PRP4K: variants seen among roughly 807,000 people sequenced by gnomAD.
The protein encoded by PRP4K is serine/threonine-protein kinase PRP4 homolog.
At chr6:4,060,631 C>T in the PRP4K span, 1 of 1,606,042 alleles carries the variant, frequency 6.2e-7, no homozygotes. The surrounding 1 kb of genome is among the most constrained non-coding windows in gnomAD (Gnocchi z 4.7). Flanking sequence ...GATGAAGAAA[C>T]TCCAAGGGTT....
At chr6:4,057,038 A>G in the PRP4K span, 2 of 1,560,180 alleles carry the variant, frequency 1.3e-6, no homozygotes, top group East Asian at 2.3e-5. Context: ...GTTTTCAGTT[A>G]TAGGTAAAAG....
chr6:4,054,579 T>TCACTG, the PRP4K span, among the ~76,000 whole-genome samples: 3 of 152,202 alleles, frequency 2.0e-5, no homozygotes, highest in African/African-American at 7.2e-5. Flanking sequence ...TGATCTCGGC[T>TCACTG]CACTGCAACC....
the PRP4K span, among the ~76,000 whole-genome samples, chr6:4,038,545 G>C: frequency 1.3e-5 from 2 of 151,476 alleles, no homozygotes; most frequent in African/African-American, 4.9e-5. Context: ...CGCTCGTCTT[G>C]GCCCACTGCA....
At chr6:4,053,732 C>CA in the PRP4K span, among the ~76,000 whole-genome samples, 9 of 152,220 alleles carry the variant, frequency 5.9e-5, no homozygotes, top group African/African-American at 2.2e-4. Context: ...AGCTTATATG[C>CA]TGGTAACATT....
At chr6:4,050,942 C>T in the PRP4K span, among the ~76,000 whole-genome samples, 1 of 152,120 alleles carries the variant, frequency 6.6e-6, no homozygotes, top group South Asian at 2.1e-4. Context: ...TGCTCTGTCA[C>T]CCAGGCTGGA....
chr6:4,045,711 A>G, the PRP4K span, among the ~76,000 whole-genome samples: 1 of 152,234 alleles, frequency 6.6e-6, no homozygotes, highest in Non-Finnish European at 1.5e-5. Flanking sequence ...TATGATTATC[A>G]TTACTACATA....
chr6:4,049,964 A>G, the PRP4K span: 2 of 1,422,824 alleles, frequency 1.4e-6, no homozygotes, highest in African/African-American at 2.9e-5. Context: ...TTAAAGTGAT[A>G]CATGATAGAA....
At chr6:4,051,673 T>C in the PRP4K span, among the ~76,000 whole-genome samples, 1 of 152,214 alleles carries the variant, frequency 6.6e-6, no homozygotes, top group African/African-American at 2.4e-5. Flanking sequence ...CAAAATTTTT[T>C]AAAAATCAAA....
At chr6:4,064,813 T>C in the PRP4K span, 1 of 152,676 alleles carries the variant, frequency 6.5e-6, no homozygotes, top group South Asian at 2.1e-4. Context: ...TAAGGGACTG[T>C]TCTGAAGAAC....
the PRP4K span, chr6:4,047,272 T>A: frequency 1.3e-6 from 2 of 1,554,766 alleles, no homozygotes; most frequent in Admixed American, 1.7e-5. Context: ...AATCAAGTGT[T>A]AAAACAAAAA....
the PRP4K span, among the ~76,000 whole-genome samples, chr6:4,048,733 C>CT: frequency 0.083 from 12,475 of 149,532 alleles, 582 homozygotes; most frequent in Middle Eastern, 0.23. Flanking sequence ...ACACCTGGCG[C>CT]TTTTTTTTTG....
At chr6:4,055,004 C>T in the PRP4K span, among the ~76,000 whole-genome samples, 58 of 152,270 alleles carry the variant, frequency 3.8e-4, no homozygotes, top group African/African-American at 1.2e-3. Flanking sequence ...AATGTTTTCC[C>T]GTCTTCCTGG....
chr6:4,047,858 C>T, the PRP4K span, among the ~76,000 whole-genome samples: 1 of 148,660 alleles, frequency 6.7e-6, no homozygotes. Context: ...ATAAATGTAA[C>T]AGGGAAAATA....
the PRP4K span, chr6:4,032,304 G>T: frequency 3.1e-6 from 5 of 1,613,548 alleles, no homozygotes; most frequent in South Asian, 4.4e-5. Flanking sequence ...TGATGATAAG[G>T]TTAAAATTGA....
the PRP4K span, chr6:4,021,414 A>G: frequency 6.3e-7 from 1 of 1,580,528 alleles, no homozygotes; most frequent in South Asian, 1.2e-5. Context: ...CCGAGGAGTC[A>G]GGAAGTTCAA....
At chr6:4,042,816 C>T in the PRP4K span, among the ~76,000 whole-genome samples, 1 of 152,134 alleles carries the variant, frequency 6.6e-6, no homozygotes, top group South Asian at 2.1e-4. Flanking sequence ...TTCTGTAAAA[C>T]ATGAGAATCT....
chr6:4,041,006 TCCACC>T, the PRP4K span: 2 of 1,386,764 alleles, frequency 1.4e-6, no homozygotes, highest in Non-Finnish European at 2.0e-6. Flanking sequence ...TTAAATAATA[TCCACC>T]TAAATATTAT....
At chr6:4,047,023 TTAA>T in the PRP4K span, 1 of 669,352 alleles carries the variant, frequency 1.5e-6, no homozygotes, top group South Asian at 1.7e-5. Context: ...ATCATAAATG[TTAA>T]TAAAGTGATT....
the PRP4K span, among the ~76,000 whole-genome samples, chr6:4,048,804 GT>G: frequency 1.4e-3 from 179 of 126,646 alleles, 3 homozygotes; most frequent in South Asian, 0.028. Context: ...AGGGGTTTTT[GT>G]TTTTTTTTTT....
Sources: gnomAD v4.1 joint callset for allele counts (sites outside exome capture counted in the v4.1 genomes callset) on GRCh38, gnomAD v4.1.1 for gene constraint, Gnocchi (gnomAD v3.1) non-coding constraint, MANE v1.5 for transcripts, NCBI Gene and HGNC (gene_info 2026-07-23, HGNC 2026-07-21) for gene names.